CDC45: variants seen among roughly 807,000 people sequenced by gnomAD.
CDC45 encodes the protein cell division control protein 45 homolog.
CDC45 carries 54 observed loss-of-function variants against 77.8 expected under a neutral mutation model. That is an observed-to-expected ratio of 0.69 (90% CI 0.56 to 0.87). The LOEUF (loss-of-function observed/expected upper bound fraction) is 0.87. Ranked by LOEUF, CDC45 falls within the 40% of genes least tolerant of loss-of-function variation. CDC45 has a pLI of 0.00. For missense variants in CDC45, 649 were observed against 721.6 expected, an observed-to-expected ratio of 0.90 and a Z score of 1.15; for synonymous variants, 260 against 272.1, an observed-to-expected ratio of 0.96 and a Z score of 0.44.
intron 13 of CDC45, among the ~76,000 whole-genome samples, chr22:19,511,154 G>A (rs12169822): frequency 0.03 from 4,543 of 152,088 alleles, 232 homozygotes; most frequent in African/African-American, 0.1. Context: ...CATCCTCACC[G>A]ACACTTGTTA....
At chr22:19,510,823 G>A (rs1349290512) in intron 13 of CDC45, among the ~76,000 whole-genome samples, 4 of 152,112 alleles carry the variant, frequency 2.6e-5, no homozygotes, top group Admixed American at 1.3e-4. Flanking sequence ...CACCATGCCC[G>A]GCCAGTGTCT....
chr22:19,494,333 G>C lies in CDC45; in HGVS notation c.493G>C (p.Val165Leu). The C allele has an allele frequency of 6.2e-7, 1 of 1,612,772 alleles. No individual in the cohort carries two copies. Among genetic ancestry groups the C allele is most frequent in the Non-Finnish European group, 8.5e-7 (1 of 1,179,982 alleles). ...EKRTRLEEEI[V>L]EQTMRRRQRR... Reference sequence around the variant, plus strand: ...CTCTTTGTCCCTGTATCAGGAGATAGTGGAGCAAACCATGCGGAGGAGGCA... The same window carrying C: ...CTCTTTGTCCCTGTATCAGGAGATACTGGAGCAAACCATGCGGAGGAGGCA... Residue 165 changes from valine to leucine, a missense_variant, in exon 6 of 19, where the codon GTG becomes CTG. Physicochemically the swap from Val to Leu is conservative, Grantham distance 32 (BLOSUM62 1). Coordinates refer to ENST00000263201, the MANE Select transcript of CDC45 (RefSeq NM_003504.5).
At chr22:19,493,227 G>GTTTT (rs368497589) in intron 5 of CDC45, among the ~76,000 whole-genome samples, 6 of 136,316 alleles carry the variant, frequency 4.4e-5, no homozygotes, top group African/African-American at 1.6e-4. Context: ...GCTTTTGTGG[G>GTTTT]TTTTTTTTTT....
At chr22:19,512,083 G>A (rs1301300632) in intron 13 of CDC45, among the ~76,000 whole-genome samples, 1 of 151,988 alleles carries the variant, frequency 6.6e-6, no homozygotes, top group African/African-American at 2.4e-5. Context: ...GAGACATGTT[G>A]GTCAGGCTGG....
chr22:19,500,685 A>C (rs9618589), intron 9 of CDC45, among the ~76,000 whole-genome samples: 6,763 of 152,034 alleles, frequency 0.044, 437 homozygotes, highest in African/African-American at 0.14. Flanking sequence ...CCAATCAACT[A>C]TCCCAATTTT....
intron 5 of CDC45, among the ~76,000 whole-genome samples, chr22:19,487,728 C>T (rs1364023829): frequency 5.3e-5 from 8 of 151,540 alleles, no homozygotes; most frequent in South Asian, 2.1e-4. Flanking sequence ...CCTGCTAACA[C>T]GGTGAAACCC....
chr22:19,518,882 G>T lies in CDC45; in HGVS notation c.1675G>T (p.Asp559Tyr). The stretch of plus-strand genomic sequence containing the variant: ...AGCTGAGGATCGGAGCAAGTTTCTG[G>T]ACGCACTTATTTCCCTCCTGTCCTA... The part of the protein sequence containing the change: ...LKAEDRSKFL[D>Y]ALISLLS The change falls in exon 18 of 19, where the codon GAC becomes TAC. Residue 559 changes from aspartate to tyrosine, a missense_variant. Coordinates refer to ENST00000263201, the MANE Select transcript of CDC45 (RefSeq NM_003504.5). The T allele has an allele frequency of 6.2e-7, 1 of 1,614,068 alleles. No individual in the cohort carries two copies. Among genetic ancestry groups the T allele is most frequent in the Non-Finnish European group, 8.5e-7 (1 of 1,180,000 alleles).
chr22:19,482,325 T>C (rs750006135), intron 3 of CDC45, among the ~76,000 whole-genome samples: 1 of 152,258 alleles, frequency 6.6e-6, no homozygotes, highest in South Asian at 2.1e-4. Context: ...AACTTAAACC[T>C]GTACGATGCC....
chr22:19,482,309 G>T (rs764662027), intron 3 of CDC45, among the ~76,000 whole-genome samples: 19 of 152,246 alleles, frequency 1.2e-4, no homozygotes, highest in Non-Finnish European at 2.2e-4. Flanking sequence ...TAAAGTATTT[G>T]CTAAAAACTT....
At chr22:19,493,657 TG>T (rs2090191866) in intron 5 of CDC45, among the ~76,000 whole-genome samples, 1 of 152,174 alleles carries the variant, frequency 6.6e-6, no homozygotes, top group African/African-American at 2.4e-5. Context: ...TTGGCCAGGC[TG>T]GTCTTTAACT....
At chr22:19,481,232 A>C (rs180976374) in intron 3 of CDC45, among the ~76,000 whole-genome samples, 187 bp downstream of exon 3, 1 of 152,344 alleles carries the variant, frequency 6.6e-6, no homozygotes, top group Non-Finnish European at 1.5e-5. Flanking sequence ...CAAAATTGAC[A>C]GCAAAAAAAG....
intron 3 of CDC45, among the ~76,000 whole-genome samples, chr22:19,481,283 C>T (rs899420713): frequency 6.6e-6 from 1 of 152,190 alleles, no homozygotes; most frequent in African/African-American, 2.4e-5. Flanking sequence ...CTTGTTTTAA[C>T]TTGTTTTGCA....
chr22:19,519,751 T>C (rs1934010009), intron 18 of CDC45, among the ~76,000 whole-genome samples: 1 of 152,356 alleles, frequency 6.6e-6, no homozygotes, highest in East Asian at 1.9e-4. Flanking sequence ...TGTTCTCCTG[T>C]TGGGGCTGGA....
chr22:19,518,739 G>C, intron 17 of CDC45, 105 bp from the exon 18 acceptor site: 1 of 863,438 alleles, frequency 1.2e-6, no homozygotes, highest in African/African-American at 1.6e-5. Flanking sequence ...GAGGAGCCGC[G>C]CACTTTGGAA....
In CDC45 at chr22:19,497,788, TC is replaced by T. The variant is rs1375725055; in HGVS notation, c.653+343del. ...GAGGCAGCCTTTGCAGTGGCTCACA[TC>T]CTTAATTCTACATCCGTAATCCCAG... On this transcript the variant is annotated intron_variant, in intron 8 of 18. Transcript: ENST00000263201. Among the ~76,000 whole-genome samples, 4 of 151,990 alleles carry T rather than the reference TC, an allele frequency of 2.6e-5. No individual in the cohort carries two copies. The East Asian group carries it at 7.7e-4, about 29-fold the overall frequency.
rs930874171 is a variant in CDC45 at position 19,480,030 on chromosome 22, G to A, written c.51+11G>A. ...GTGGTCCAGAGCCAGGTGACGCCCA[G>A]TCCGGGACCCCCGCCGAGGCCTTGC... On this transcript the variant is annotated intron_variant, in intron 1 of 18. Transcript: ENST00000263201. The A allele has an allele frequency of 3.1e-6, 5 of 1,613,908 alleles. No homozygotes were observed. The Admixed American group carries it at 5.0e-5, about 16-fold the overall frequency.
At chr22:19,496,290 G>A (rs186747024) in intron 7 of CDC45, among the ~76,000 whole-genome samples, 4 of 152,312 alleles carry the variant, frequency 2.6e-5, no homozygotes, top group Admixed American at 2.6e-4. Flanking sequence ...TCAAAGAAGA[G>A]CAGCGTTTAT....
chr22:19,515,030 C>A lies in CDC45; in HGVS notation c.1422C>A (p.Leu474=). 1.2e-6 allele frequency: 2 copies of A among 1,610,694 alleles called. No individual in the cohort carries two copies. Among genetic ancestry groups the A allele is most frequent in the East Asian group, 4.5e-5 (2 of 44,828 alleles). ...TAAGCCTGCTCAGCAAACACCTGCTCAAGTCCTTTGTGTGTTCGGTGAGGG... is the reference window on the plus strand; with the variant it reads ...TAAGCCTGCTCAGCAAACACCTGCTAAAGTCCTTTGTGTGTTCGGTGAGGG... ...ASLSLLSKHL[L]KSFVCSTKNR... Residue 474 remains leucine, a synonymous_variant, in exon 15 of 19, where the codon CTC becomes CTA. Transcript: ENST00000263201.
intron 4 of CDC45, 72 bp from the exon 5 acceptor site, chr22:19,483,790 C>T: frequency 7.2e-7 from 1 of 1,391,182 alleles, no homozygotes; most frequent in Non-Finnish European, 1.0e-6. Context: ...TGATAAGATT[C>T]TGCAGAAGAA....
Sources: allele counts gnomAD v4.1 joint callset (sites outside exome capture counted in the v4.1 genomes callset), GRCh38; gene constraint gnomAD v4.1.1; transcripts MANE v1.5; gene names NCBI Gene and HGNC (gene_info 2026-07-23, HGNC 2026-07-21).